Variants in AGMO observed in about 807,000 individuals in gnomAD.
AGMO encodes the protein glyceryl-ether monooxygenase.
Under a neutral mutation model 60.2 loss-of-function variants are expected in AGMO, and 75 were observed. The observed-to-expected ratio is 1.25, with a 90% confidence interval of 1.03 to 1.51. The LOEUF (loss-of-function observed/expected upper bound fraction) is 1.51, where lower values mean the gene tolerates loss of function less well. AGMO is among the 40% of genes most tolerant of loss of function. AGMO has a pLI of 0.00. For missense variants in AGMO, 763 were observed against 525.5 expected, an observed-to-expected ratio of 1.45 and a Z score of -4.42; for synonymous variants, 261 against 177.1, an observed-to-expected ratio of 1.47 and a Z score of -3.76.
chr7:15,332,567 T>G (rs1781531183), intron 12 of AGMO, among the ~76,000 whole-genome samples: 1 of 152,142 alleles, frequency 6.6e-6, no homozygotes, highest in Non-Finnish European at 1.5e-5. Flanking sequence ...CATCCTGACC[T>G]GACAACCTGA....
chr7:15,498,134 G>T (rs745870523), intron 3 of AGMO, among the ~76,000 whole-genome samples: 2 of 152,000 alleles, frequency 1.3e-5, no homozygotes, highest in African/African-American at 2.4e-5. Flanking sequence ...AATGTCAGTT[G>T]TATTTATGTT....
the AGMO span, among the ~76,000 whole-genome samples, chr7:15,117,725 C>T: frequency 3.3e-5 from 5 of 151,938 alleles, no homozygotes; most frequent in Admixed American, 6.6e-5. Context: ...TCCACATGGC[C>T]GCATGCTTTC....
chr7:15,376,385 C>CGGA (rs1554263520), intron 10 of AGMO, among the ~76,000 whole-genome samples: 1 of 151,486 alleles, frequency 6.6e-6, no homozygotes, highest in African/African-American at 2.4e-5. Context: ...GATTTTTTTA[C>CGGA]AGGTTTTTTT....
At chr7:15,552,053 AAAAC>A in intron 2 of AGMO, among the ~76,000 whole-genome samples, 2 of 152,276 alleles carry the variant, frequency 1.3e-5, no homozygotes, top group South Asian at 4.1e-4. Context: ...AAACCTGAGA[AAAAC>A]AAGCAATGGG....
At chr7:15,207,067 A>G (rs1282269476) in intron 12 of AGMO, among the ~76,000 whole-genome samples, 1 of 152,196 alleles carries the variant, frequency 6.6e-6, no homozygotes, top group African/African-American at 2.4e-5. Context: ...ACACTACTAC[A>G]GAAGAGAAGC....
chr7:15,233,738 CG>C (rs1782328373), intron 12 of AGMO, among the ~76,000 whole-genome samples: 1 of 152,050 alleles, frequency 6.6e-6, no homozygotes, highest in Admixed American at 6.6e-5. Flanking sequence ...TCTGGTGAAA[CG>C]TAAGAATTTA....
intron 8 of AGMO, among the ~76,000 whole-genome samples, chr7:15,389,586 C>T (rs1314103810): frequency 6.6e-6 from 1 of 152,124 alleles, no homozygotes; most frequent in African/African-American, 2.4e-5. Flanking sequence ...CACTGAACAA[C>T]TGAAGGGAAT....
At chr7:15,535,210 T>G (rs1256300107) in intron 3 of AGMO, among the ~76,000 whole-genome samples, 2 of 151,916 alleles carry the variant, frequency 1.3e-5, no homozygotes, top group Non-Finnish European at 2.9e-5. Context: ...CGGGGATGGA[T>G]TTAGATGAAC....
chr7:15,504,083 T>C (rs1192799140), intron 3 of AGMO, among the ~76,000 whole-genome samples: 1 of 151,998 alleles, frequency 6.6e-6, no homozygotes, highest in Non-Finnish European at 1.5e-5. Context: ...GTCATCCAAT[T>C]AATACCAGTA....
chr7:15,248,080 G>A (rs1017683274), intron 12 of AGMO, among the ~76,000 whole-genome samples: 5 of 149,028 alleles, frequency 3.4e-5, no homozygotes, highest in African/African-American at 4.9e-5. Flanking sequence ...CATGAATGTA[G>A]CTGATGTAAG....
the AGMO span, among the ~76,000 whole-genome samples, chr7:15,117,238 C>T: frequency 7.9e-5 from 12 of 152,024 alleles, no homozygotes; most frequent in African/African-American, 2.6e-4. Flanking sequence ...CATACAGCCA[C>T]AGAAATCAGA....
At chr7:15,198,986 C>T (rs1034488916), downstream of AGMO, among the ~76,000 whole-genome samples, 1 of 152,148 alleles carries the variant, frequency 6.6e-6, no homozygotes, top group African/African-American at 2.4e-5. Context: ...GCCTTGTCCC[C>T]AGGCAAGAAG....
chr7:15,408,405 C>T (rs1429779458), intron 5 of AGMO, among the ~76,000 whole-genome samples: 1 of 151,644 alleles, frequency 6.6e-6, no homozygotes, highest in South Asian at 2.1e-4. Flanking sequence ...TGTAAAAAAA[C>T]CAGAATTCTG....
At chr7:15,426,482 C>T (rs572490339) in intron 4 of AGMO, among the ~76,000 whole-genome samples, 3 of 152,240 alleles carry the variant, frequency 2.0e-5, no homozygotes, top group Non-Finnish European at 4.4e-5. Flanking sequence ...GGCGCGGTGG[C>T]TCATGCTTAT....
chr7:15,529,631 A>AT (rs1562554893), intron 3 of AGMO, among the ~76,000 whole-genome samples: 1 of 30,936 alleles, frequency 3.2e-5, no homozygotes, highest in African/African-American at 1.8e-4. Flanking sequence ...ATATATATAT[A>AT]GAATATATAT....
chr7:15,219,727 G>C lies in AGMO; in HGVS notation c.1264-18368C>G, dbSNP rs1781857984. On this transcript the variant is annotated intron_variant, in intron 12 of 12. Transcript: ENST00000342526. ...TCCTGTTAGGACACCATCTCAGTAA[G>C]CTGATGATGACAGTGGCCAGAGGGA... 3.3e-5 allele frequency among the ~76,000 whole-genome samples: 5 copies of C among 152,138 alleles called. No individual in the cohort carries two copies. The South Asian group carries it at 1.0e-3, about 31-fold the overall frequency.
chr7:15,251,515 CAA>C (rs1782938053), intron 12 of AGMO, among the ~76,000 whole-genome samples: 1 of 152,186 alleles, frequency 6.6e-6, no homozygotes, highest in Admixed American at 6.5e-5. Flanking sequence ...CCACTGGAAA[CAA>C]AACTGTCAGA....
intron 12 of AGMO, among the ~76,000 whole-genome samples, chr7:15,242,085 G>T (rs1035287099): frequency 1.3e-5 from 2 of 152,052 alleles, no homozygotes; most frequent in African/African-American, 4.8e-5. Context: ...TTCTTCAAGA[G>T]TATAATTAAA....
chr7:15,183,034 A>G, the AGMO span, among the ~76,000 whole-genome samples: 1 of 152,074 alleles, frequency 6.6e-6, no homozygotes, highest in South Asian at 2.1e-4. Flanking sequence ...ACCTCCCACC[A>G]GGTCTCACCT....
Sources: gnomAD v4.1 joint callset for allele counts (sites outside exome capture counted in the v4.1 genomes callset) on GRCh38, gnomAD v4.1.1 for gene constraint, MANE v1.5 for transcripts, NCBI Gene and HGNC (gene_info 2026-07-23, HGNC 2026-07-21) for gene names.